The following GLCCI1 variants were observed in gnomAD, a reference collection of about 807,000 sequenced individuals.
GLCCI1 encodes the protein glucocorticoid-induced transcript 1 protein.
A neutral mutation model predicts 52.2 loss-of-function variants in GLCCI1; 24 were observed. That is an observed-to-expected ratio of 0.46 (90% CI 0.33 to 0.65). GLCCI1 has a LOEUF of 0.65. Ranked by LOEUF, GLCCI1 falls within the 30% of genes least tolerant of loss-of-function variation. The pLI, the probability that GLCCI1 is intolerant of heterozygous loss-of-function variation, is 0.02. For synonymous variants in GLCCI1, 310 were observed against 276.5 expected, an observed-to-expected ratio of 1.12 and a Z score of -1.20; for missense variants, 704 against 701.5, an observed-to-expected ratio of 1.00 and a Z score of -0.04.
At chr7:8,019,442 T>TG (rs1781439863) in intron 2 of GLCCI1, among the ~76,000 whole-genome samples, 1 of 152,216 alleles carries the variant, frequency 6.6e-6, no homozygotes, top group East Asian at 1.9e-4. Context: ...AACTACTCTT[T>TG]GGGGGATATT....
chr7:7,969,293 C>T lies in GLCCI1; in HGVS notation c.-58C>T, dbSNP rs1406819572. 2.2e-6 allele frequency: 3 copies of T among 1,344,226 alleles called. No homozygotes were observed. The highest frequency in any genetic ancestry group is 2.6e-5 in the Admixed American group (1 of 38,344). 83.3% of individuals were successfully genotyped at this position (1,344,226 alleles called of 1,614,324 possible). ...TCGCGCCGGCTCCCACACGCTCGCG[C>T]GCCTCCCGCCCCGCGCCTCCGTGTC... On this transcript the variant is annotated 5_prime_UTR_variant, in exon 1 of 8. Coordinates refer to ENST00000223145, the MANE Select transcript of GLCCI1 (RefSeq NM_138426.4). This position sits in a 1 kb window ranked among gnomAD's most constrained non-coding sequence, Gnocchi z 4.9.
Position 8,071,107 on chromosome 7 carries a change from G to A in GLCCI1, c.1153G>A (p.Asp385Asn). The A allele has an allele frequency of 6.2e-7, 1 of 1,614,068 alleles. No individual in the cohort carries two copies. ...SQDGSPCSTE[D>N]LLYDRDKDSG... The stretch of plus-strand genomic sequence containing the variant: ...GGATGGTAGCCCTTGCTCAACAGAA[G>A]ATTTGCTCTATGATCGTGATAAAGG... Residue 385 changes from aspartate (D) to asparagine (N), a missense_variant, in exon 6 of 8, where the codon GAT (aspartate) becomes AAT (asparagine). Physicochemically the swap from Asp to Asn is conservative, Grantham distance 23. This residue lies in a region of GLCCI1 where 547 missense variants were observed against 524.8 expected (regional missense o/e 1.04). Transcript: ENST00000223145.
intron 1 of GLCCI1, among the ~76,000 whole-genome samples, chr7:7,974,609 C>T (rs1181796499): frequency 1.3e-5 from 2 of 152,160 alleles, no homozygotes; most frequent in Non-Finnish European, 2.9e-5. Flanking sequence ...GGCTCCACAG[C>T]AGTGAGTGGA....
At chr7:7,994,422 T>C (rs1780901050) in intron 1 of GLCCI1, among the ~76,000 whole-genome samples, 1 of 152,192 alleles carries the variant, frequency 6.6e-6, no homozygotes, top group South Asian at 2.1e-4. Context: ...AGAAATTCAT[T>C]GTTCACAATT....
At chr7:8,039,772 G>A (rs914544951) in intron 3 of GLCCI1, among the ~76,000 whole-genome samples, 1 of 152,112 alleles carries the variant, frequency 6.6e-6, no homozygotes, top group African/African-American at 2.4e-5. Context: ...CACGCGGGGT[G>A]GATCACTTGA....
intron 1 of GLCCI1, among the ~76,000 whole-genome samples, chr7:7,972,508 C>G (rs1780373603): frequency 6.6e-6 from 1 of 152,162 alleles, no homozygotes; most frequent in Non-Finnish European, 1.5e-5. Flanking sequence ...TTCAGTGTTT[C>G]ATGCATTTCA....
rs552732978 is a variant in GLCCI1, at chr7:8,071,931, CAGG to C, written c.1177+803_1177+805del. Among the ~76,000 whole-genome samples, 145 of 152,282 alleles carry C rather than the reference CAGG, an allele frequency of 9.5e-4. 1 individual carries two copies. The highest frequency in any genetic ancestry group is 3.2e-3 in the African/African-American group (133 of 41,552). On this transcript the variant is annotated intron_variant, in intron 6 of 7. Coordinates refer to ENST00000223145, the MANE Select transcript of GLCCI1 (RefSeq NM_138426.4). ...AAGTTAGACAGTTTATAAAATCTTG[CAGG>C]AGTTTTATGGTCCTTGTTCTGAATT... is the stretch of plus-strand genomic sequence containing the variant.
rs375065988 is a variant in GLCCI1, at chr7:8,026,701, G to C, written c.696+4132G>C. On this transcript the variant is annotated intron_variant, in intron 3 of 7. Transcript: ENST00000223145. The stretch of plus-strand genomic sequence containing the variant: ...GAAGAATAAAGCCATGCTGGCCTCA[G>C]CCAGTGCCTGTGCATGGAGGGAACG... Among the ~76,000 whole-genome samples the C allele has an allele frequency of 2.0e-5, 3 of 152,244 alleles. No homozygotes were observed. In the South Asian group the frequency reaches 6.2e-4, roughly 31 times the overall value.
At chr7:8,078,271 G>A (rs969146912) in intron 6 of GLCCI1, among the ~76,000 whole-genome samples, 1 of 146,648 alleles carries the variant, frequency 6.8e-6, no homozygotes, top group African/African-American at 2.5e-5. Flanking sequence ...TTTGCTAAGA[G>A]AAAGAAAAGC....
chr7:8,051,846 A>G (rs748289482), intron 3 of GLCCI1, among the ~76,000 whole-genome samples: 8 of 152,098 alleles, frequency 5.3e-5, no homozygotes, highest in Non-Finnish European at 8.8e-5. Context: ...GGTGTTCTTT[A>G]CATATTGTGG....
chr7:8,005,056 T>A (rs1312499554), intron 2 of GLCCI1, among the ~76,000 whole-genome samples: 1 of 152,212 alleles, frequency 6.6e-6, no homozygotes, highest in Non-Finnish European at 1.5e-5. Context: ...TCTTTTGATT[T>A]CCATTCTTCA....
chr7:8,076,851 G>A (rs1484271970), intron 6 of GLCCI1, among the ~76,000 whole-genome samples: 1 of 152,076 alleles, frequency 6.6e-6, no homozygotes, highest in Admixed American at 6.5e-5. Context: ...TGAGTATTAA[G>A]ACCTTTGTTC....
chr7:8,007,680 G>A (rs1321296273), intron 2 of GLCCI1, among the ~76,000 whole-genome samples: 1 of 152,204 alleles, frequency 6.6e-6, no homozygotes, highest in Non-Finnish European at 1.5e-5. Context: ...GTGGAAGGAA[G>A]GTGGTATACT....
chr7:8,078,909 T>G (rs915272717), intron 6 of GLCCI1, among the ~76,000 whole-genome samples: 1 of 152,212 alleles, frequency 6.6e-6, no homozygotes, highest in African/African-American at 2.4e-5. Flanking sequence ...GGTTTCTGCC[T>G]AAAGACATTA....
intron 1 of GLCCI1, among the ~76,000 whole-genome samples, chr7:7,992,510 C>A (rs1780861575): frequency 6.6e-6 from 1 of 151,926 alleles, no homozygotes; most frequent in Non-Finnish European, 1.5e-5. Context: ...TAATCTGTAG[C>A]CTTTATACTT....
At chr7:8,049,157 A>G (rs1011957967) in intron 3 of GLCCI1, among the ~76,000 whole-genome samples, 3 of 152,166 alleles carry the variant, frequency 2.0e-5, no homozygotes, top group Non-Finnish European at 4.4e-5. Context: ...CTGAAGGAGT[A>G]AAATAAATGA....
At position 8,086,118 on chromosome 7, in the gene GLCCI1, C is replaced by A; in HGVS notation, c.1299-75C>A. ...TTTACATTTTAGCTGTTTTAGAGAACTCCAGTTAATTCAGAAAATGCTTAA... is the reference window on the plus strand; with the variant it reads ...TTTACATTTTAGCTGTTTTAGAGAAATCCAGTTAATTCAGAAAATGCTTAA... On this transcript the variant is annotated intron_variant, in intron 7 of 7. Coordinates refer to ENST00000223145, the MANE Select transcript of GLCCI1 (RefSeq NM_138426.4). The surrounding 1 kb of genome is among the most constrained non-coding windows in gnomAD (Gnocchi z 4.4). 1 of 1,270,778 alleles carries A rather than the reference C, an allele frequency of 7.9e-7. No homozygotes were observed. The highest frequency in any genetic ancestry group is 1.1e-6 in the Non-Finnish European group (1 of 912,164). 78.7% of individuals were successfully genotyped at this position (1,270,778 alleles called of 1,614,324 possible).
intron 4 of GLCCI1, among the ~76,000 whole-genome samples, chr7:8,059,090 T>C (rs1370305447): frequency 6.6e-6 from 1 of 152,184 alleles, no homozygotes; most frequent in Non-Finnish European, 1.5e-5. Flanking sequence ...TTGGTTTTGC[T>C]GTCTCAGGGT....
chr7:8,058,964 C>G (rs570551041), intron 4 of GLCCI1, among the ~76,000 whole-genome samples: 54 of 152,060 alleles, frequency 3.6e-4, no homozygotes, highest in African/African-American at 1.2e-3. Context: ...TTAATAAAAG[C>G]ATAAGGAAGA....
Sources: allele counts gnomAD v4.1 joint callset (sites outside exome capture counted in the v4.1 genomes callset), GRCh38; gene constraint gnomAD v4.1.1; regional missense constraint gnomAD v4.1.1; non-coding constraint Gnocchi (gnomAD v3.1); transcripts MANE v1.5; gene names NCBI Gene and HGNC (gene_info 2026-07-23, HGNC 2026-07-21).